Variants in DYNC1I1 observed in about 807,000 individuals in gnomAD.
DYNC1I1 encodes the protein dynein cytoplasmic 1 intermediate chain 1.
DYNC1I1 carries 43 observed loss-of-function variants against 86.6 expected under a neutral mutation model. That is an observed-to-expected ratio of 0.50 (90% CI 0.39 to 0.64). The LOEUF (loss-of-function observed/expected upper bound fraction) is 0.64, where lower values mean the gene tolerates loss of function less well. Ranked by LOEUF, DYNC1I1 falls within the 30% of genes least tolerant of loss-of-function variation. The probability of loss-of-function intolerance (pLI) is 0.00; values close to 1 mark genes in which losing one functional copy is unlikely to be tolerated. For missense variants in DYNC1I1, 604 were observed against 788.8 expected (o/e 0.77, Z 2.81); for synonymous variants, 262 against 283.7 (o/e 0.92, Z 0.77).
intron 6 of DYNC1I1, among the ~76,000 whole-genome samples, chr7:95,913,208 T>TCATATA (rs1220364479): frequency 2.0e-5 from 3 of 152,230 alleles, no homozygotes; most frequent in Non-Finnish European, 4.4e-5. Context: ...ATCTTCATAT[T>TCATATA]CATATAGAAA....
chr7:96,020,419 T>G (rs1209194749), intron 10 of DYNC1I1, among the ~76,000 whole-genome samples: 1 of 152,034 alleles, frequency 6.6e-6, no homozygotes, highest in Non-Finnish European at 1.5e-5. Flanking sequence ...AAACTCCCCC[T>G]TATAATACCA....
intron 16 of DYNC1I1, among the ~76,000 whole-genome samples, chr7:96,081,086 A>AAAAGAG (rs1009006857): frequency 1.3e-5 from 2 of 151,732 alleles, no homozygotes; most frequent in Non-Finnish European, 2.9e-5. Context: ...AAGAAAAAGA[A>AAAAGAG]AAGAAAAGAA....
At chr7:95,988,848 G>A (rs543164415) in intron 9 of DYNC1I1, among the ~76,000 whole-genome samples, 1 of 152,258 alleles carries the variant, frequency 6.6e-6, no homozygotes, top group East Asian at 1.9e-4. Flanking sequence ...ACAATCATAT[G>A]AGGCAGCCAC....
Position 96,098,047 on chromosome 7 carries a change from G to A in DYNC1I1, c.*454G>A. 1 of 989,490 alleles carries A rather than the reference G, an allele frequency of 1.0e-6. No individual in the cohort carries two copies. Among genetic ancestry groups the A allele is most frequent in the South Asian group, 4.6e-5 (1 of 21,558 alleles). The allele number at this position is 989,490 out of a possible 1,614,324, so 61.3% of individuals were successfully genotyped here. The stretch of plus-strand genomic sequence containing the variant: ...TGTTTTACATGGTGACTCACATTAT[G>A]AATGGATTTACTAGAAGAACATTGC... On this transcript the variant is annotated 3_prime_UTR_variant, in exon 17 of 17. Transcript: ENST00000447467.
At chr7:95,921,658 CG>C (rs1238677176) in intron 6 of DYNC1I1, among the ~76,000 whole-genome samples, 17 of 152,092 alleles carry the variant, frequency 1.1e-4, no homozygotes, top group African/African-American at 3.9e-4. Context: ...AATGAAATCC[CG>C]GGAGTCAAAT....
intron 6 of DYNC1I1, among the ~76,000 whole-genome samples, chr7:95,962,507 T>C (rs1293456666): frequency 6.6e-6 from 1 of 152,204 alleles, no homozygotes; most frequent in Non-Finnish European, 1.5e-5. Context: ...TTGCACATTT[T>C]TGTGGCTGGG....
At chr7:95,827,045 G>A (rs1450396393) in intron 4 of DYNC1I1, among the ~76,000 whole-genome samples, 1 of 152,132 alleles carries the variant, frequency 6.6e-6, no homozygotes, top group Non-Finnish European at 1.5e-5. Context: ...GTCTGGGGTG[G>A]GACGTGAGTT....
At chr7:95,986,920 A>G (rs1370826285) in intron 8 of DYNC1I1, 136 bp from the exon 9 acceptor site, 1 of 701,784 alleles carries the variant, frequency 1.4e-6, no homozygotes, top group African/African-American at 1.8e-5. Flanking sequence ...ATTAATTTTG[A>G]TCAGGGTATG....
chr7:95,897,894 C>A (rs1318530700), intron 6 of DYNC1I1, among the ~76,000 whole-genome samples: 2 of 152,142 alleles, frequency 1.3e-5, no homozygotes, highest in African/African-American at 4.8e-5. Flanking sequence ...ACAAAGCTGG[C>A]AGACACATCT....
chr7:96,013,011 G>A (rs1794312863), intron 10 of DYNC1I1, among the ~76,000 whole-genome samples: 1 of 152,050 alleles, frequency 6.6e-6, no homozygotes, highest in South Asian at 2.1e-4. Flanking sequence ...ACTACAAATA[G>A]GGTATAGTGT....
chr7:95,774,856 CA>C (rs1793801538), intron 1 of DYNC1I1, among the ~76,000 whole-genome samples: 1 of 152,184 alleles, frequency 6.6e-6, no homozygotes, highest in Admixed American at 6.5e-5. Context: ...AGACAGTGTG[CA>C]CCGGCTTCAT....
chr7:95,849,839 C>A (rs1388614991), intron 5 of DYNC1I1, among the ~76,000 whole-genome samples: 1 of 152,114 alleles, frequency 6.6e-6, no homozygotes, highest in Non-Finnish European at 1.5e-5. Context: ...ATTAATTCTT[C>A]CAATCCATAA....
intron 6 of DYNC1I1, among the ~76,000 whole-genome samples, chr7:95,879,623 A>G (rs572979019): frequency 6.6e-6 from 1 of 152,336 alleles, no homozygotes; most frequent in South Asian, 2.1e-4. Context: ...AAATGAGGGC[A>G]GGAGAGCTCT....
intron 6 of DYNC1I1, among the ~76,000 whole-genome samples, chr7:95,891,309 T>C (rs1790730832): frequency 1.3e-5 from 2 of 152,228 alleles, no homozygotes; most frequent in South Asian, 2.1e-4. Context: ...AGCAAGCTAA[T>C]ACAGATTGTG....
chr7:95,978,206 C>A (rs1306349354), intron 7 of DYNC1I1, among the ~76,000 whole-genome samples: 1 of 152,122 alleles, frequency 6.6e-6, no homozygotes, highest in Non-Finnish European at 1.5e-5. Context: ...TGTTATTACC[C>A]CTATTTATAG....
At chr7:96,029,494 G>A (rs1794757463) in intron 11 of DYNC1I1, among the ~76,000 whole-genome samples, 1 of 152,130 alleles carries the variant, frequency 6.6e-6, no homozygotes, top group African/African-American at 2.4e-5. Context: ...TTAGCAGTAA[G>A]CTTTTGGGGA....
At chr7:96,029,344 T>C (rs974612207) in intron 11 of DYNC1I1, among the ~76,000 whole-genome samples, 5 of 152,150 alleles carry the variant, frequency 3.3e-5, no homozygotes, top group Non-Finnish European at 7.3e-5. Flanking sequence ...CAGAAAATTG[T>C]GGCCCAGGAG....
chr7:96,080,640 T>G, intron 16 of DYNC1I1, 152 bp downstream of exon 16: 1 of 1,211,770 alleles, frequency 8.3e-7, no homozygotes. Flanking sequence ...TTGGCGAGAC[T>G]TCCTTAGGGC....
At chr7:95,946,880 A>G (rs189791109) in intron 6 of DYNC1I1, among the ~76,000 whole-genome samples, 121 of 152,286 alleles carry the variant, frequency 7.9e-4, no homozygotes, top group Non-Finnish European at 1.5e-3. Context: ...AAAGGAGTGG[A>G]GTAAAAGAGA....
Sources: allele counts gnomAD v4.1 joint callset (sites outside exome capture counted in the v4.1 genomes callset), GRCh38; gene constraint gnomAD v4.1.1; transcripts MANE v1.5; gene names NCBI Gene and HGNC (gene_info 2026-07-23, HGNC 2026-07-21).